Variants in TMEM131L observed in about 807,000 individuals in gnomAD.
TMEM131L encodes the protein transmembrane 131 like, also known as transmembrane protein 131-like.
TMEM131L carries 54 observed loss-of-function variants against 192.2 expected under a neutral mutation model. The observed-to-expected ratio is 0.28, with a 90% CI of 0.23 to 0.35. TMEM131L has a LOEUF of 0.35. Ranked by LOEUF, TMEM131L falls within the 10% of genes least tolerant of loss-of-function variation. The pLI, the probability that TMEM131L is intolerant of heterozygous loss-of-function variation, is 1.00. For missense variants in TMEM131L, 1,888 were observed against 1,972.9 expected, an observed-to-expected ratio of 0.96 and a Z score of 0.82; for synonymous variants, 701 against 704.9, an observed-to-expected ratio of 0.99 and a Z score of 0.09.
At chr4:153,539,810 A>AC (rs1185721101) in intron 3 of TMEM131L, among the ~76,000 whole-genome samples, 6 of 150,912 alleles carry the variant, frequency 4.0e-5, no homozygotes, top group Non-Finnish European at 7.4e-5. Flanking sequence ...TGGGACTTTA[A>AC]AAAAAAAACA....
chr4:153,471,564 T>A (rs917166324), intron 2 of TMEM131L, among the ~76,000 whole-genome samples: 9 of 152,230 alleles, frequency 5.9e-5, no homozygotes, highest in South Asian at 2.1e-4. Flanking sequence ...ATCACATTTT[T>A]AAAAATCAGT....
chr4:153,591,274 C>T (rs1731048574), intron 17 of TMEM131L, 80 bp downstream of exon 17: 2 of 1,352,492 alleles, frequency 1.5e-6, no homozygotes, highest in East Asian at 2.7e-5. Flanking sequence ...TTGTGTCCAC[C>T]TTTAGCTACC....
intron 2 of TMEM131L, among the ~76,000 whole-genome samples, chr4:153,472,652 A>G (rs143104887): frequency 2.6e-5 from 4 of 152,300 alleles, no homozygotes; most frequent in Non-Finnish European, 4.4e-5. Flanking sequence ...AAGGGCATAC[A>G]TGTTGTGTGG....
intron 3 of TMEM131L, among the ~76,000 whole-genome samples, chr4:153,481,444 T>C (rs1029858078): frequency 2.0e-5 from 3 of 152,238 alleles, no homozygotes; most frequent in Non-Finnish European, 2.9e-5. Context: ...TTACTTGTTA[T>C]GTTTTGCACG....
At chr4:153,574,338 A>C (rs1221938189) in intron 7 of TMEM131L, among the ~76,000 whole-genome samples, 4 of 152,194 alleles carry the variant, frequency 2.6e-5, no homozygotes, top group Non-Finnish European at 4.4e-5. Context: ...TGGGGGTTGA[A>C]ACACAATTGC....
chr4:153,614,451 G>A (rs573339775), intron 26 of TMEM131L, among the ~76,000 whole-genome samples: 14 of 152,164 alleles, frequency 9.2e-5, no homozygotes, highest in Non-Finnish European at 1.8e-4. Context: ...GGAGGATTTG[G>A]CCTGACGATT....
chr4:153,582,834 C>G (rs1730452532), intron 9 of TMEM131L, among the ~76,000 whole-genome samples: 1 of 152,060 alleles, frequency 6.6e-6, no homozygotes, highest in African/African-American at 2.4e-5. Flanking sequence ...AAATGAGGAG[C>G]TTTCTAATCA....
chr4:153,584,836 A>G lies in TMEM131L; in HGVS notation c.1062A>G (p.Ala354=). ...CATTTATTTCTTTATACCACAAAGC[A>G]GCTACATCATGTGACAGTGGAATTA... The part of the protein sequence containing the change: ...FTKIASFTCK[A]ATSCDSGIIE... Residue 354 remains alanine, a splice_region_variant and synonymous_variant, in exon 12 of 35, where the codon GCA becomes GCG. Transcript: ENST00000409959. 1.2e-6 allele frequency: 2 copies of G among 1,611,890 alleles called. No individual in the cohort carries two copies. The highest frequency in any genetic ancestry group is 1.7e-6 in the Non-Finnish European group (2 of 1,177,924).
At chr4:153,508,645 G>A (rs1011142280) in intron 3 of TMEM131L, among the ~76,000 whole-genome samples, 14 of 150,898 alleles carry the variant, frequency 9.3e-5, no homozygotes, top group African/African-American at 2.9e-4. Flanking sequence ...CGAATTCCTT[G>A]AATTGAGAGA....
chr4:153,629,639 G>T (rs925037608), intron 31 of TMEM131L, among the ~76,000 whole-genome samples: 2 of 152,160 alleles, frequency 1.3e-5, no homozygotes, highest in African/African-American at 4.8e-5. Context: ...CCTGTAATCT[G>T]GCTTTTGCCA....
At chr4:153,469,129 CAG>C (rs1208333806) in intron 2 of TMEM131L, among the ~76,000 whole-genome samples, 6 of 152,136 alleles carry the variant, frequency 3.9e-5, no homozygotes, top group Non-Finnish European at 8.8e-5. Flanking sequence ...TAATAGATGT[CAG>C]AATTCAGAAG....
chr4:153,556,903 C>A, intron 5 of TMEM131L, 63 bp from the exon 6 acceptor site: 1 of 766,590 alleles, frequency 1.3e-6, no homozygotes, highest in South Asian at 1.6e-5. Flanking sequence ...AAAAGAAAGT[C>A]TGTGAAAGAC....
chr4:153,519,740 T>C (rs1026937702), intron 3 of TMEM131L, among the ~76,000 whole-genome samples: 2 of 152,218 alleles, frequency 1.3e-5, no homozygotes, highest in East Asian at 1.9e-4. Context: ...CAAGCTAGGC[T>C]GTAAGACAGA....
intron 3 of TMEM131L, among the ~76,000 whole-genome samples, chr4:153,500,852 G>A (rs777394390): frequency 2.0e-5 from 3 of 152,116 alleles, no homozygotes; most frequent in Non-Finnish European, 4.4e-5. Context: ...TTTCCTAGTT[G>A]TGAAAATCGA....
At chr4:153,609,060 G>C (rs1732437898) in intron 25 of TMEM131L, among the ~76,000 whole-genome samples, 1 of 152,136 alleles carries the variant, frequency 6.6e-6, no homozygotes, top group Non-Finnish European at 1.5e-5. Flanking sequence ...TACTCAGTGA[G>C]GTCATGGGGA....
intron 14 of TMEM131L, 111 bp downstream of exon 14, chr4:153,586,490 G>T: frequency 1.4e-6 from 1 of 715,032 alleles, no homozygotes; most frequent in Non-Finnish European, 2.2e-6. Context: ...GTTCTTTAAG[G>T]CTAAGAAACT....
intron 3 of TMEM131L, among the ~76,000 whole-genome samples, chr4:153,519,335 ATAG>A (rs564016767): frequency 2.3e-4 from 35 of 152,314 alleles, no homozygotes; most frequent in Admixed American, 6.5e-4. Flanking sequence ...ATTTAGTGGC[ATAG>A]TAGTTGTTTT....
At position 153,550,256 on chromosome 4, in the gene TMEM131L, A is replaced by T. The variant is rs747708758; in HGVS notation, c.308+115A>T. ...TTAGGTATATTGATAATATGAAGGG[A>T]TATTGATCCTGGGACTTAAGAGAAA... On this transcript the variant is annotated intron_variant, in intron 4 of 34. Coordinates refer to ENST00000409959, the MANE Select transcript of TMEM131L (RefSeq NM_001131007.2). The T allele has an allele frequency of 2.6e-4, 126 of 479,360 alleles. 1 individual carries two copies. The highest frequency in any genetic ancestry group is 7.1e-5 in the Non-Finnish European group (19 of 266,810). The allele number at this position is 479,360 out of a possible 1,614,324, so 29.7% of individuals were successfully genotyped here. A position where few individuals can be genotyped will look rare whatever the true frequency, so the allele number is the denominator to read the frequency against.
At chr4:153,551,384 G>A (rs1737609803) in intron 4 of TMEM131L, among the ~76,000 whole-genome samples, 1 of 150,512 alleles carries the variant, frequency 6.6e-6, no homozygotes, top group South Asian at 2.1e-4. Context: ...TTGAGACGGA[G>A]TCTTGCACTG....
Sources: gnomAD v4.1 joint callset for allele counts (sites outside exome capture counted in the v4.1 genomes callset) on GRCh38, gnomAD v4.1.1 for gene constraint, MANE v1.5 for transcripts, NCBI Gene and HGNC (gene_info 2026-07-23, HGNC 2026-07-21) for gene names.